The following SIAE variants were observed in gnomAD, a reference collection of about 807,000 sequenced individuals.
SIAE encodes sialic acid acetylesterase.
Under a neutral mutation model 52.6 loss-of-function variants are expected in SIAE, and 39 were observed. The ratio of observed to expected loss-of-function variants is 0.74; its 90% CI spans 0.57 to 0.97. The LOEUF is 0.97. Among genes scored for constraint, SIAE ranks in the 50% least tolerant of loss-of-function variants. The pLI is 0.00. For synonymous variants in SIAE, 233 were observed against 241.4 expected, an observed-to-expected ratio of 0.97 and a Z score of 0.32; for missense variants, 592 against 662.1, an observed-to-expected ratio of 0.89 and a Z score of 1.16.
chr11:124,637,627 C>A (rs924434930), intron 9 of SIAE, among the ~76,000 whole-genome samples: 10 of 152,162 alleles, frequency 6.6e-5, no homozygotes, highest in African/African-American at 2.4e-4. Context: ...GCATAAGATA[C>A]AAAACCTTTC....
rs372477473 is a variant in SIAE at position 124,660,791 on chromosome 11, G to A, written c.242C>T (p.Thr81Met). 26 of 1,614,094 alleles carry A rather than the reference G, an allele frequency of 1.6e-5. No homozygotes were observed. In the African/African-American group the frequency reaches 2.0e-4, roughly 12 times the overall value. Residue 81 changes from threonine (T) to methionine (M), a missense_variant, in exon 3 of 10, where the codon ACG becomes ATG. Thr to Met is a moderately conservative substitution (Grantham distance 81). Coordinates refer to ENST00000263593, the MANE Select transcript of SIAE (RefSeq NM_170601.5). ...CATAGGATCCAGTACCACCATCCAC[G>A]TATCAGAGTGAGCTGAAATAGTAAC... ...KVTSVKAHSD[T>M]WMVVLDPMKP...
intron 2 of SIAE, among the ~76,000 whole-genome samples, chr11:124,662,270 G>A (rs904102700): frequency 2.6e-5 from 4 of 152,148 alleles, no homozygotes; most frequent in South Asian, 2.1e-4. Flanking sequence ...AGATTGTGTC[G>A]CACAGGTGTG....
rs1034621609 is a variant in SIAE, at chr11:124,634,264, G to C, written c.*2687C>G. 6.6e-6 allele frequency: 1 copy of C among 152,328 alleles called. No homozygotes were observed. The highest frequency in any genetic ancestry group is 1.5e-5 in the Non-Finnish European group (1 of 68,156). 9.4% of individuals were successfully genotyped at this position (152,328 alleles called of 1,614,324 possible). ...CAGGAAGAATCGCTTGAACCCGGGAGGCAGAGGTTGCAGTGAGCCGAGACC... is the reference window on the plus strand; with the variant it reads ...CAGGAAGAATCGCTTGAACCCGGGACGCAGAGGTTGCAGTGAGCCGAGACC... On this transcript the variant is annotated 3_prime_UTR_variant, in exon 10 of 10. Transcript: ENST00000263593.
rs1942993829 is a variant in SIAE at position 124,649,906 on chromosome 11, T to C, written c.545-110A>G. The C allele has an allele frequency of 8.8e-6, 9 of 1,023,046 alleles. 1 individual carries two copies. The Middle Eastern group carries it at 6.7e-4, about 76-fold the overall frequency. 63.4% of individuals were successfully genotyped at this position (1,023,046 alleles called of 1,614,324 possible). On this transcript the variant is annotated intron_variant, in intron 4 of 9. Coordinates refer to ENST00000263593, the MANE Select transcript of SIAE (RefSeq NM_170601.5). ...AGGGTGGGCAGAGGTCATTCTTCTG[T>C]TGTTTTCTAAGACTTTCAAAAGTAG...
chr11:124,649,974 A>G (rs1205685044), intron 4 of SIAE, among the ~76,000 whole-genome samples, 178 bp from the exon 5 acceptor site: 4 of 152,218 alleles, frequency 2.6e-5, no homozygotes, highest in African/African-American at 9.7e-5. Flanking sequence ...ATCAAGACCA[A>G]TATGCTGGTC....
rs917737837 is a variant in SIAE at position 124,635,470 on chromosome 11, C to A, written c.*1481G>T. On this transcript the variant is annotated 3_prime_UTR_variant, in exon 10 of 10. Transcript: ENST00000263593. ...GGGGTAGAACTAAAGCAAAAACCAT[C>A]ATTCACCCTACAGAGTATTATAAAT... 6.6e-6 allele frequency: 1 copy of A among 152,174 alleles called. No individual in the cohort carries two copies. The highest frequency in any genetic ancestry group is 1.5e-5 in the Non-Finnish European group (1 of 68,028). The allele number at this position is 152,174 out of a possible 1,614,324, so 9.4% of individuals were successfully genotyped here. A position where few individuals can be genotyped will look rare whatever the true frequency, so the allele number is the denominator to read the frequency against.
chr11:124,638,504 A>G, intron 9 of SIAE, 38 bp downstream of exon 9: 3 of 1,604,658 alleles, frequency 1.9e-6, no homozygotes, highest in Non-Finnish European at 2.6e-6. Context: ...TGACTCCACC[A>G]CAAAATGAAC....
intron 2 of SIAE, among the ~76,000 whole-genome samples, chr11:124,665,978 A>T (rs1287851883): frequency 6.6e-6 from 1 of 152,120 alleles, no homozygotes; most frequent in Non-Finnish European, 1.5e-5. Flanking sequence ...TCATTTTATC[A>T]CCTACATACA....
chr11:124,650,357 C>T (rs922293847), intron 4 of SIAE, among the ~76,000 whole-genome samples: 7 of 152,134 alleles, frequency 4.6e-5, no homozygotes, highest in Admixed American at 3.3e-4. Context: ...TCTGTGTCTC[C>T]CCTCTTACTC....
chr11:124,668,266 A>C (rs1943299827), intron 2 of SIAE, among the ~76,000 whole-genome samples: 1 of 152,112 alleles, frequency 6.6e-6, no homozygotes, highest in African/African-American at 2.4e-5. Flanking sequence ...TCACCTCTCA[A>C]GATGAGCCTC....
chr11:124,652,401 C>T (rs1009350392), intron 4 of SIAE, among the ~76,000 whole-genome samples: 1 of 152,034 alleles, frequency 6.6e-6, no homozygotes, highest in Non-Finnish European at 1.5e-5. Flanking sequence ...ACAGAAGAGG[C>T]AGGAGACCGG....
At chr11:124,656,871 G>A (rs745493527) in intron 3 of SIAE, among the ~76,000 whole-genome samples, 1 of 152,188 alleles carries the variant, frequency 6.6e-6, no homozygotes, top group Non-Finnish European at 1.5e-5. Context: ...AGAGGCACAG[G>A]AGGCCGGGTA....
rs759872277 is a variant in SIAE at position 124,648,143 on chromosome 11, C to G, written c.755G>C (p.Ser252Thr). The G allele has an allele frequency of 6.2e-7, 1 of 1,614,078 alleles. No homozygotes were observed. The highest frequency in any genetic ancestry group is 1.1e-5 in the South Asian group (1 of 91,082). ...SIPYDSVTGP[S>T]KHSVLWNAMI... ...GGCATTCCAGAGAACAGAGTGCTTA[C>G]TGGGACCAGTTACAGAATCGTATGG... The change falls in exon 6 of 10, where the codon AGT (serine) becomes ACT (threonine). Residue 252 changes from serine to threonine, a missense_variant. Coordinates refer to ENST00000263593, the MANE Select transcript of SIAE (RefSeq NM_170601.5).
chr11:124,657,517 C>T (rs1016365050), intron 3 of SIAE, among the ~76,000 whole-genome samples: 5 of 152,260 alleles, frequency 3.3e-5, no homozygotes, highest in Non-Finnish European at 7.3e-5. Flanking sequence ...TATGAGAGAA[C>T]ATGCTACTTG....
intron 2 of SIAE, among the ~76,000 whole-genome samples, chr11:124,668,702 A>G (rs756842024): frequency 1.3e-5 from 2 of 152,226 alleles, no homozygotes; most frequent in South Asian, 2.1e-4. Flanking sequence ...ATTCAGCCGT[A>G]TAAATGACAG....
chr11:124,651,478 G>A (rs1278312100), intron 4 of SIAE, among the ~76,000 whole-genome samples: 1 of 151,698 alleles, frequency 6.6e-6, no homozygotes, highest in Non-Finnish European at 1.5e-5. Context: ...AACCTGGGAG[G>A]CGGAGGTTGC....
At chr11:124,673,586 T>C in intron 1 of SIAE, 56 bp downstream of exon 1, 1 of 1,579,638 alleles carries the variant, frequency 6.3e-7, no homozygotes, top group South Asian at 1.1e-5. Flanking sequence ...GGACACGGGG[T>C]CTCGGAGCCC....
chr11:124,651,328 AT>A (rs1943012886), intron 4 of SIAE, among the ~76,000 whole-genome samples: 2 of 152,070 alleles, frequency 1.3e-5, no homozygotes, highest in African/African-American at 4.8e-5. Context: ...CAGGCAGATC[AT>A]GAGGTCAGGA....
At chr11:124,638,478 A>C in intron 9 of SIAE, 64 bp downstream of exon 9, 2 of 1,541,020 alleles carry the variant, frequency 1.3e-6, no homozygotes, top group Non-Finnish European at 1.8e-6. Context: ...GATGGCCTCA[A>C]GTGCGGAGGA....
Sources: gnomAD v4.1 joint callset for allele counts (sites outside exome capture counted in the v4.1 genomes callset) on GRCh38, gnomAD v4.1.1 for gene constraint, MANE v1.5 for transcripts, NCBI Gene and HGNC (gene_info 2026-07-23, HGNC 2026-07-21) for gene names.